NKAIN3: variants seen among roughly 807,000 people sequenced by gnomAD.
NKAIN3 encodes sodium/potassium transporting ATPase interacting 3.
NKAIN3 carries 25 observed loss-of-function variants against 30.2 expected under a neutral mutation model. The ratio of observed to expected loss-of-function variants is 0.83; its 90% CI spans 0.60 to 1.16. The LOEUF is 1.16. NKAIN3 is among the 50% of genes most tolerant of loss of function. The pLI is 0.00. For missense variants in NKAIN3, 225 were observed against 254.1 expected (o/e 0.89, Z 0.78); for synonymous variants, 91 against 89.6 (o/e 1.02, Z -0.09).
intron 3 of NKAIN3, among the ~76,000 whole-genome samples, chr8:62,627,568 T>G (rs1811829299): frequency 6.6e-6 from 1 of 152,084 alleles, no homozygotes; most frequent in Non-Finnish European, 1.5e-5. Flanking sequence ...TTCACATACT[T>G]TGAAATGTGG....
At chr8:62,693,052 C>T (rs775332057) in intron 3 of NKAIN3, among the ~76,000 whole-genome samples, 46 of 152,290 alleles carry the variant, frequency 3.0e-4, no homozygotes, top group Non-Finnish European at 5.7e-4. Context: ...TCCTCTCTTT[C>T]CCTCATTTCT....
intron 3 of NKAIN3, among the ~76,000 whole-genome samples, chr8:62,687,511 G>T (rs1215091303): frequency 6.6e-6 from 1 of 152,096 alleles, no homozygotes; most frequent in South Asian, 2.1e-4. Context: ...ACAATGTTTT[G>T]CTGGGTCCTT....
chr8:62,849,324 GTTAT>G (rs1819794436), intron 4 of NKAIN3, among the ~76,000 whole-genome samples: 1 of 128,096 alleles, frequency 7.8e-6, no homozygotes, highest in East Asian at 2.3e-4. Context: ...TGGTTGGTAG[GTTAT>G]TTATTACTGT....
chr8:62,933,977 G>A (rs10100648), intron 5 of NKAIN3, among the ~76,000 whole-genome samples: 13,649 of 152,170 alleles, frequency 0.09, 643 homozygotes, highest in South Asian at 0.15. Flanking sequence ...CTGAGCTCTT[G>A]ACAAAGATTA....
intron 3 of NKAIN3, among the ~76,000 whole-genome samples, chr8:62,683,469 A>G (rs2130424053): frequency 6.6e-6 from 1 of 152,354 alleles, no homozygotes; most frequent in Middle Eastern, 3.4e-3. Context: ...ATGAGATATT[A>G]TTAGCTCTTT....
intron 3 of NKAIN3, among the ~76,000 whole-genome samples, chr8:62,646,838 C>A (rs1812475612): frequency 1.3e-5 from 2 of 151,958 alleles, no homozygotes; most frequent in South Asian, 2.1e-4. Flanking sequence ...GTAGAACAGG[C>A]CAATCACAAA....
rs186300225 is a variant in NKAIN3, at chr8:62,870,395, T to C, written c.472-48058T>C. ...ATATATACACTATATATGTACAATATACATTGTACATATATACAATATATG... is the reference window on the plus strand; with the variant it reads ...ATATATACACTATATATGTACAATACACATTGTACATATATACAATATATG... On this transcript the variant is annotated intron_variant, in intron 4 of 6. Coordinates refer to ENST00000623646, the MANE Select transcript of NKAIN3 (RefSeq NM_001304533.3). Among the ~76,000 whole-genome samples the C allele has an allele frequency of 1.3e-4, 18 of 136,984 alleles. 1 individual carries two copies. Among genetic ancestry groups the C allele is most frequent in the African/African-American group, 4.7e-4 (17 of 36,402 alleles). 89.9% of individuals were successfully genotyped at this position (136,984 alleles called of 152,430 possible).
At chr8:62,375,889 A>G (rs1221172378) in intron 1 of NKAIN3, among the ~76,000 whole-genome samples, 2 of 152,182 alleles carry the variant, frequency 1.3e-5, no homozygotes, top group Non-Finnish European at 2.9e-5. Context: ...TGTTTGCAGC[A>G]GTTTCAACAT....
chr8:62,778,371 CAG>C (rs879271231), intron 4 of NKAIN3, among the ~76,000 whole-genome samples: 1 of 152,086 alleles, frequency 6.6e-6, no homozygotes, highest in Admixed American at 6.6e-5. Context: ...AGGAATCTAC[CAG>C]ATACTGTATG....
At chr8:62,535,988 G>A (rs1271329139) in intron 1 of NKAIN3, among the ~76,000 whole-genome samples, 1 of 152,122 alleles carries the variant, frequency 6.6e-6, no homozygotes, top group Admixed American at 6.6e-5. Context: ...GGAGTTATGA[G>A]CCAGGAACCA....
chr8:62,399,259 A>G (rs1817860225), intron 1 of NKAIN3, among the ~76,000 whole-genome samples: 1 of 152,208 alleles, frequency 6.6e-6, no homozygotes. Context: ...TAATCTCAGC[A>G]CTTCGGGAGG....
intron 1 of NKAIN3, among the ~76,000 whole-genome samples, chr8:62,520,372 G>C (rs1028450125): frequency 6.6e-6 from 1 of 152,054 alleles, no homozygotes; most frequent in African/African-American, 2.4e-5. Context: ...AAAACATAAA[G>C]TAAAATTAAT....
chr8:62,533,565 G>A (rs1029404459), intron 1 of NKAIN3, among the ~76,000 whole-genome samples: 1 of 152,188 alleles, frequency 6.6e-6, no homozygotes, highest in Non-Finnish European at 1.5e-5. Context: ...ATTACATTTG[G>A]GAGACTGAGT....
chr8:62,309,978 AC>A (rs936380820), intron 1 of NKAIN3, among the ~76,000 whole-genome samples: 3 of 150,410 alleles, frequency 2.0e-5, no homozygotes, highest in Non-Finnish European at 2.9e-5. Context: ...AATTGCATAA[AC>A]CCTGATACAC....
rs568867116 is a variant in NKAIN3, at chr8:62,263,830, G to C, written c.54+14703G>C. Among the ~76,000 whole-genome samples the C allele has an allele frequency of 1.2e-4, 18 of 152,176 alleles. No homozygotes were observed. In the South Asian group the frequency reaches 3.5e-3, roughly 30 times the overall value. On this transcript the variant is annotated intron_variant, in intron 1 of 6. Coordinates refer to ENST00000623646, the MANE Select transcript of NKAIN3 (RefSeq NM_001304533.3). ...TCAAGTATAGAGGAAATGGTGTTTT[G>C]GGCAGGACCATATTACGTATTTATA...
intron 5 of NKAIN3, among the ~76,000 whole-genome samples, chr8:62,952,682 AG>A (rs1823317950): frequency 6.6e-6 from 1 of 152,226 alleles, no homozygotes; most frequent in Non-Finnish European, 1.5e-5. Context: ...AACAAACCAA[AG>A]CACCTCCAAA....
chr8:62,960,597 G>GATATAAACCA (rs1322159565), intron 6 of NKAIN3, among the ~76,000 whole-genome samples: 79 of 151,744 alleles, frequency 5.2e-4, no homozygotes, highest in African/African-American at 1.8e-3. Context: ...TAAAGCCAAT[G>GATATAAACCA]ATATAAACCA....
intron 1 of NKAIN3, among the ~76,000 whole-genome samples, chr8:62,578,945 A>G (rs540084079): frequency 3.0e-4 from 45 of 152,098 alleles, no homozygotes; most frequent in African/African-American, 1.1e-3. Flanking sequence ...GCAAAAATAG[A>G]GGTAGATAGA....
At chr8:62,989,913 A>G (rs1395475277) in intron 5 of NKAIN3, among the ~76,000 whole-genome samples, 3 of 152,062 alleles carry the variant, frequency 2.0e-5, no homozygotes, top group Admixed American at 6.6e-5. Context: ...TGGCAATCAC[A>G]TTACCTTGTT....
Sources: allele counts gnomAD v4.1 joint callset (sites outside exome capture counted in the v4.1 genomes callset), GRCh38; gene constraint gnomAD v4.1.1; transcripts MANE v1.5; gene names NCBI Gene and HGNC (gene_info 2026-07-23, HGNC 2026-07-21).